The following GIT2 variants were observed in gnomAD, a reference collection of about 807,000 sequenced individuals.
GIT2 encodes the protein GIT ArfGAP 2.
In GIT2, 32 loss-of-function variants were observed where a neutral mutation model predicts 100.3. The observed-to-expected ratio is 0.32, with a 90% CI of 0.24 to 0.43. The LOEUF (loss-of-function observed/expected upper bound fraction) is 0.43. GIT2 is among the 20% of genes least tolerant of loss of function. The pLI is 1.00. For synonymous variants in GIT2, 353 were observed against 364.1 expected, an observed-to-expected ratio of 0.97 and a Z score of 0.35; for missense variants, 737 against 975.1, an observed-to-expected ratio of 0.76 and a Z score of 3.25.
At position 109,947,608 on chromosome 12, in the gene GIT2, G is replaced by A; in HGVS notation, c.1393-104C>T. 1 of 1,036,678 alleles carries A rather than the reference G, an allele frequency of 9.6e-7. No homozygotes were observed. 64.2% of individuals were successfully genotyped at this position (1,036,678 alleles called of 1,614,324 possible). A position where few individuals can be genotyped will look rare whatever the true frequency, so the allele number is the denominator to read the frequency against. ...CTACCAGTTTTAAACAATAAGGACA[G>A]TAACAGCTAGCCGGGCTGAAAGTAA... On this transcript the variant is annotated intron_variant, in intron 14 of 19. Transcript: ENST00000355312. This position sits in a 1 kb window ranked among gnomAD's most constrained non-coding sequence, Gnocchi z 4.3.
intron 9 of GIT2, among the ~76,000 whole-genome samples, chr12:109,963,340 T>C (rs1321649176): frequency 6.6e-6 from 1 of 152,230 alleles, no homozygotes; most frequent in Non-Finnish European, 1.5e-5. Context: ...CTTTGCTTCA[T>C]AAATATCTAG....
At chr12:109,987,071 T>C (rs558126423) in intron 4 of GIT2, among the ~76,000 whole-genome samples, 8 of 152,212 alleles carry the variant, frequency 5.3e-5, no homozygotes, top group South Asian at 2.1e-4. Context: ...TCAATAAATG[T>C]AATTTGCCAC....
At position 109,948,564 on chromosome 12, in the gene GIT2, T is replaced by C. The variant is rs1158653747; in HGVS notation, c.1393-1060A>G. 4 of 1,376,980 alleles carry C rather than the reference T, an allele frequency of 2.9e-6. No individual in the cohort carries two copies. The highest frequency in any genetic ancestry group is 3.7e-6 in the Non-Finnish European group (4 of 1,071,484). 85.3% of individuals were successfully genotyped at this position (1,376,980 alleles called of 1,614,324 possible). ...TCCATTCTGCGCAGGGTCCTTCCCT[T>C]CTGGTGCGCCTTCATCTTCCATGGA... On this transcript the variant is annotated intron_variant, in intron 14 of 19. Transcript: ENST00000355312. This position sits in a 1 kb window ranked among gnomAD's most constrained non-coding sequence, Gnocchi z 4.3.
Position 109,939,157 on chromosome 12 carries a change from G to GCAT in GIT2, c.1814+5_1814+7dup, listed in dbSNP as rs1873887292. On this transcript the variant is annotated splice_region_variant and intron_variant, in intron 17 of 19. Transcript: ENST00000355312. ...CCCTCCCCTGGCACGCTCGTCCTGTGCATGTACCCCATGCCATCTGGCTCC... is the reference window on the plus strand; with the variant it reads ...CCCTCCCCTGGCACGCTCGTCCTGTGCATCATGTACCCCATGCCATCTGGCTCC... The GCAT allele has an allele frequency of 6.3e-7, 1 of 1,579,936 alleles. No homozygotes were observed. The highest frequency in any genetic ancestry group is 1.3e-5 in the African/African-American group (1 of 74,248).
At chr12:109,968,948 T>C (rs1883161832) in intron 7 of GIT2, among the ~76,000 whole-genome samples, 1 of 151,974 alleles carries the variant, frequency 6.6e-6, no homozygotes, top group South Asian at 2.1e-4. Flanking sequence ...GGTCTCAAAC[T>C]CCTGGGCTCA....
intron 4 of GIT2, among the ~76,000 whole-genome samples, chr12:109,988,578 G>A (rs923252485): frequency 1.3e-5 from 2 of 151,852 alleles, no homozygotes; most frequent in African/African-American, 4.8e-5. Flanking sequence ...ACCCTGGCCG[G>A]GTGCAGTGGC....
intron 12 of GIT2, among the ~76,000 whole-genome samples, chr12:109,955,976 TG>T (rs1390945918): frequency 1.3e-5 from 2 of 151,972 alleles, no homozygotes; most frequent in Admixed American, 6.6e-5. Flanking sequence ...TCATCCAGGC[TG>T]GAGTGCAGTG....
At chr12:109,999,666 G>C, upstream of GIT2, 1 of 1,511,950 alleles carries the variant, frequency 6.6e-7, no homozygotes, top group Non-Finnish European at 8.9e-7. The surrounding 1 kb of genome is among the most constrained non-coding windows in gnomAD (Gnocchi z 4.3). Context: ...GGGCGACGAG[G>C]ACCAGGTTAC....
At chr12:109,939,107 T>G in intron 17 of GIT2, 58 bp downstream of exon 17, 1 of 982,854 alleles carries the variant, frequency 1.0e-6, no homozygotes, top group Non-Finnish European at 1.6e-6. Flanking sequence ...GGCCCAGGCC[T>G]GCCAGGTCTC....
chr12:109,949,314 C>G (rs1303291841), intron 14 of GIT2, among the ~76,000 whole-genome samples: 1 of 152,208 alleles, frequency 6.6e-6, no homozygotes, highest in Non-Finnish European at 1.5e-5. Context: ...CAATGGGGCA[C>G]TGGTGCATGT....
At position 109,948,914 on chromosome 12, in the gene GIT2, A is replaced by G; in HGVS notation, c.1393-1410T>C. ...CAACTTTATGTATATTAAAAACTTT[A>G]CCCAACTTTGAAATATAATCAATAC... On this transcript the variant is annotated intron_variant, in intron 14 of 19. Coordinates refer to ENST00000355312, the MANE Select transcript of GIT2 (RefSeq NM_057169.5). The surrounding 1 kb of genome is among the most constrained non-coding windows in gnomAD (Gnocchi z 4.3). 9.1e-7 allele frequency: 1 copy of G among 1,093,924 alleles called. No individual in the cohort carries two copies. Among genetic ancestry groups the G allele is most frequent in the Middle Eastern group, 2.1e-4 (1 of 4,710 alleles). 67.8% of individuals were successfully genotyped at this position (1,093,924 alleles called of 1,614,324 possible).
chr12:109,983,284 T>C, intron 6 of GIT2, 89 bp downstream of exon 6: 1 of 1,142,154 alleles, frequency 8.8e-7, no homozygotes, highest in African/African-American at 1.5e-5. Flanking sequence ...AGGGGTTCAA[T>C]ATCAACATAT....
chr12:109,989,823 A>G (rs375892990), intron 2 of GIT2, 21 bp from the exon 3 acceptor site: 37 of 1,227,882 alleles, frequency 3.0e-5, no homozygotes, highest in African/African-American at 3.0e-4. Context: ...GCAGGATGAC[A>G]TAAGACTTTA....
intron 7 of GIT2, among the ~76,000 whole-genome samples, chr12:109,973,316 T>A (rs1483303706): frequency 6.6e-6 from 1 of 151,870 alleles, no homozygotes; most frequent in Non-Finnish European, 1.5e-5. Flanking sequence ...AATTTTTGTA[T>A]TTTTAGTAGA....
At chr12:109,938,037 G>C (rs973976750) in intron 18 of GIT2, among the ~76,000 whole-genome samples, 3 of 152,090 alleles carry the variant, frequency 2.0e-5, no homozygotes, top group Admixed American at 2.0e-4. Flanking sequence ...CTTGTCCTTA[G>C]CCAGGCCAGG....
intron 16 of GIT2, among the ~76,000 whole-genome samples, chr12:109,943,976 G>A (rs1432974950): frequency 2.0e-5 from 3 of 152,096 alleles, no homozygotes; most frequent in Non-Finnish European, 4.4e-5. Flanking sequence ...CACTGCACTC[G>A]GCTGAGAATT....
upstream of GIT2, among the ~76,000 whole-genome samples, chr12:109,997,236 G>T (rs936715584): frequency 6.7e-6 from 1 of 149,100 alleles, no homozygotes; most frequent in South Asian, 2.1e-4. Flanking sequence ...AAAATTAGCC[G>T]GGCGTGGTGG....
chr12:109,961,167 G>A, intron 11 of GIT2, 111 bp downstream of exon 11: 1 of 663,122 alleles, frequency 1.5e-6, no homozygotes. Flanking sequence ...TATGTATAAA[G>A]GATATTAAAT....
chr12:109,999,653 G>A (rs1385161928), upstream of GIT2: 16 of 1,494,800 alleles, frequency 1.1e-5, no homozygotes, highest in Non-Finnish European at 1.4e-5. This position sits in a 1 kb window ranked among gnomAD's most constrained non-coding sequence, Gnocchi z 4.3. Flanking sequence ...CGAGACTTGG[G>A]GCGGGCGACG....
Sources: gnomAD v4.1 joint callset for allele counts (sites outside exome capture counted in the v4.1 genomes callset) on GRCh38, gnomAD v4.1.1 for gene constraint, Gnocchi (gnomAD v3.1) non-coding constraint, MANE v1.5 for transcripts, NCBI Gene and HGNC (gene_info 2026-07-23, HGNC 2026-07-21) for gene names.